The following CHD2 variants were observed in gnomAD, a reference collection of about 807,000 sequenced individuals.
CHD2 encodes the protein ATP-dependent chromatin remodeler CHD2.
CHD2 carries 28 observed loss-of-function variants against 243.9 expected under a neutral mutation model. That is an observed-to-expected ratio of 0.11 (90% CI 0.09 to 0.16). CHD2 has a LOEUF of 0.16. CHD2 is among the 10% of genes least tolerant of loss of function. The pLI, the probability that CHD2 is intolerant of heterozygous loss-of-function variation, is 1.00. For synonymous variants in CHD2, 775 were observed against 779.0 expected, an observed-to-expected ratio of 0.99 and a Z score of 0.09; for missense variants, 1,386 against 2,209.8, an observed-to-expected ratio of 0.63 and a Z score of 7.47.
At chr15:92,970,092 A>G (rs1444009756) in intron 17 of CHD2, among the ~76,000 whole-genome samples, 1 of 152,182 alleles carries the variant, frequency 6.6e-6, no homozygotes, top group African/African-American at 2.4e-5. Context: ...TTTTTAAATT[A>G]TAGTATTTGT....
At chr15:93,013,928 C>CAAAAAAAAAAAAAA (rs35774813) in intron 36 of CHD2, among the ~76,000 whole-genome samples, 1 of 64,134 alleles carries the variant, frequency 1.6e-5, no homozygotes, top group African/African-American at 7.0e-5. Flanking sequence ...GACTCTGTCT[C>CAAAAAAAAAAAAAA]AAAAAAAAAA....
chr15:92,977,206 T>G (rs2053921597), intron 20 of CHD2, among the ~76,000 whole-genome samples: 1 of 152,198 alleles, frequency 6.6e-6, no homozygotes, highest in Admixed American at 6.5e-5. Context: ...ATATTTCTCT[T>G]AAGAATCACA....
chr15:93,027,244 G>A lies in CHD2; in HGVS notation c.*2539G>A, dbSNP rs2054593629. On this transcript the variant is annotated 3_prime_UTR_variant, in exon 39 of 39. Transcript: ENST00000394196. The stretch of plus-strand genomic sequence containing the variant: ...ATTCTCTCACTTGTGAATGGGAGAA[G>A]CTGCCCCAGGAATCTGTGAGGATGG... 1 of 152,492 alleles carries A rather than the reference G, an allele frequency of 6.6e-6. No homozygotes were observed. 9.4% of individuals were successfully genotyped at this position (152,492 alleles called of 1,614,324 possible). A position where few individuals can be genotyped will look rare whatever the true frequency, so the allele number is the denominator to read the frequency against.
chr15:92,927,442 A>C (rs1157343168), intron 4 of CHD2, 112 bp downstream of exon 4: 1 of 707,954 alleles, frequency 1.4e-6, no homozygotes, highest in Admixed American at 2.5e-5. Context: ...CATGAGGGTT[A>C]AGTGACTCTA....
chr15:93,016,988 A>G (rs1395514686), intron 37 of CHD2, among the ~76,000 whole-genome samples: 2 of 152,222 alleles, frequency 1.3e-5, no homozygotes, highest in Admixed American at 6.5e-5. Flanking sequence ...CTACTAGGAA[A>G]ATATAAATTA....
chr15:92,912,791 C>T (rs1022039373), intron 2 of CHD2, among the ~76,000 whole-genome samples: 3 of 152,158 alleles, frequency 2.0e-5, no homozygotes, highest in Non-Finnish European at 4.4e-5. Context: ...ACCTTGTGAT[C>T]CGCCCGCCTC....
At chr15:92,984,250 A>G in intron 24 of CHD2, 80 bp from the exon 25 acceptor site, 3 of 1,131,862 alleles carry the variant, frequency 2.7e-6, no homozygotes, top group Non-Finnish European at 2.4e-6. Context: ...GTCTACTTAG[A>G]TAAAAACACT....
chr15:92,946,258 T>TAC (rs758469654), intron 12 of CHD2, 42 bp downstream of exon 12: 1 of 1,518,634 alleles, frequency 6.6e-7, no homozygotes, highest in African/African-American at 1.4e-5. Context: ...GGAGAAGATA[T>TAC]ACTGATAAAG....
Position 92,940,921 on chromosome 15 carries a change from CATATAAATATATATAAAATAT to C in CHD2, c.693-889_693-869del, listed in dbSNP as rs1395155218. 5.5e-3 allele frequency among the ~76,000 whole-genome samples: 645 copies of C among 116,550 alleles called. 3 individuals carry two copies. The highest frequency in any genetic ancestry group is 0.02 in the African/African-American group (628 of 31,002). 76.5% of individuals were successfully genotyped at this position (116,550 alleles called of 152,430 possible). ...ATATATAAATATATATATAAATATA[CATATAAATATATATAAAATAT>C]ATATAAATATAAATATATATAAATA... On this transcript the variant is annotated intron_variant, in intron 7 of 38. Transcript: ENST00000394196.
At chr15:92,957,250 A>G (rs1025368859) in intron 16 of CHD2, among the ~76,000 whole-genome samples, 2 of 152,178 alleles carry the variant, frequency 1.3e-5, no homozygotes, top group Admixed American at 1.3e-4. Flanking sequence ...TCCATTACTC[A>G]TTATGCTTCA....
intron 31 of CHD2, among the ~76,000 whole-genome samples, chr15:92,999,059 G>A (rs912090567): frequency 5.7e-5 from 7 of 122,682 alleles, no homozygotes; most frequent in Non-Finnish European, 9.5e-5. Flanking sequence ...ACTCCGGCCT[G>A]GGCAACAGAG....
At chr15:92,909,718 T>C (rs1216540433) in intron 2 of CHD2, among the ~76,000 whole-genome samples, 1 of 152,016 alleles carries the variant, frequency 6.6e-6, no homozygotes, top group Non-Finnish European at 1.5e-5. Context: ...TTTGTAGAGA[T>C]GGGTTTGGAC....
intron 3 of CHD2, 71 bp from the exon 4 acceptor site, chr15:92,927,173 T>A: frequency 9.1e-7 from 1 of 1,095,086 alleles, no homozygotes; most frequent in African/African-American, 1.6e-5. Flanking sequence ...TCTCTTCAAT[T>A]GCAATAAACG....
At chr15:92,928,295 A>G (rs909416126) in intron 4 of CHD2, among the ~76,000 whole-genome samples, 6 of 152,240 alleles carry the variant, frequency 3.9e-5, no homozygotes, top group African/African-American at 1.4e-4. Flanking sequence ...GTTAAAACCA[A>G]TCACATAGTT....
At chr15:92,901,518 AC>A (rs1452870498) in intron 2 of CHD2, 2 of 578,580 alleles carry the variant, frequency 3.5e-6, no homozygotes, top group Non-Finnish European at 6.2e-6. Flanking sequence ...AAGGCCTCTT[AC>A]AGCAGTCAAA....
At position 93,020,195 on chromosome 15, in the gene CHD2, A is replaced by G; in HGVS notation, c.5090A>G (p.Lys1697Arg). The G allele has an allele frequency of 6.2e-7, 1 of 1,614,142 alleles. No homozygotes were observed. The highest frequency in any genetic ancestry group is 8.5e-7 in the Non-Finnish European group (1 of 1,180,026). ...GSYRPNNMSR[K>R]RPYDQYSSDR... ...TATCGACCCAACAACATGTCCAGAA[A>G]GAGGCCTTATGACCAGTACAGCAGT... The change falls in exon 38 of 39, where the codon AAG becomes AGG. Residue 1697 changes from lysine (K) to arginine (R), a missense_variant. Lys to Arg is a conservative substitution (Grantham distance 26, BLOSUM62 2). Transcript: ENST00000394196.
At chr15:92,921,093 G>A (rs139414144) in intron 2 of CHD2, among the ~76,000 whole-genome samples, 52 of 152,258 alleles carry the variant, frequency 3.4e-4, no homozygotes, top group Middle Eastern at 3.4e-3. Context: ...TTTCCATCTC[G>A]GTGGTGGTAA....
chr15:92,990,830 T>C (rs2054108745), intron 26 of CHD2, among the ~76,000 whole-genome samples: 1 of 152,158 alleles, frequency 6.6e-6, no homozygotes, highest in Non-Finnish European at 1.5e-5. Context: ...GACCAGCCTG[T>C]AGGAATGGGG....
intron 16 of CHD2, among the ~76,000 whole-genome samples, chr15:92,964,148 C>G (rs2053725101): frequency 6.6e-6 from 1 of 152,172 alleles, no homozygotes; most frequent in Non-Finnish European, 1.5e-5. Context: ...GAGTCTCTTC[C>G]AAAATTTTCC....
Sources: allele counts gnomAD v4.1 joint callset (sites outside exome capture counted in the v4.1 genomes callset), GRCh38; gene constraint gnomAD v4.1.1; transcripts MANE v1.5; gene names NCBI Gene and HGNC (gene_info 2026-07-23, HGNC 2026-07-21).